Variants in TAOK3 observed in about 807,000 individuals in gnomAD.
The protein encoded by TAOK3 is TAO kinase 3.
Under a neutral mutation model 120.4 loss-of-function variants are expected in TAOK3, and 40 were observed. That is an observed-to-expected ratio of 0.33 (90% CI 0.26 to 0.43). TAOK3 has a LOEUF of 0.43. Ranked by LOEUF, TAOK3 falls within the 20% of genes least tolerant of loss-of-function variation. The pLI is 1.00. For synonymous variants in TAOK3, 355 were observed against 387.5 expected (o/e 0.92, Z 0.99); for missense variants, 821 against 1,112.1 (o/e 0.74, Z 3.72).
chr12:118,305,150 G>A (rs2043005321), intron 1 of TAOK3, among the ~76,000 whole-genome samples: 1 of 152,142 alleles, frequency 6.6e-6, no homozygotes, highest in Admixed American at 6.6e-5. Flanking sequence ...TGTATGTAAT[G>A]TGTTAAACAA....
chr12:118,285,301 C>T (rs1386966622), intron 1 of TAOK3, among the ~76,000 whole-genome samples: 1 of 152,092 alleles, frequency 6.6e-6, no homozygotes, highest in Non-Finnish European at 1.5e-5. Flanking sequence ...CATCAGCCTC[C>T]CAAAATGCTG....
chr12:118,350,205 C>G (rs899205543), intron 1 of TAOK3, among the ~76,000 whole-genome samples: 8 of 152,170 alleles, frequency 5.3e-5, no homozygotes, highest in Non-Finnish European at 2.9e-5. Flanking sequence ...CCACGTAGCA[C>G]TTATCCTGTA....
rs189545200 is a variant in TAOK3 at position 118,355,835 on chromosome 12, A to T, written c.-194+16813T>A. On this transcript the variant is annotated intron_variant, in intron 1 of 20. Coordinates refer to ENST00000392533, the MANE Select transcript of TAOK3 (RefSeq NM_016281.4). ...CATTATTTCATTTAATCCTCACAAC[A>T]ATCCTGTGAAGTAGGTATTATAATT... Among the ~76,000 whole-genome samples the T allele has an allele frequency of 4.6e-5, 7 of 152,350 alleles. No individual in the cohort carries two copies. The East Asian group carries it at 1.2e-3, about 25-fold the overall frequency.
chr12:118,358,699 C>T lies in TAOK3; in HGVS notation c.-194+13949G>A, dbSNP rs114488614. On this transcript the variant is annotated intron_variant, in intron 1 of 20. Transcript: ENST00000392533. ...AAATTAAATTTTTTTGAAAAATTGC[C>T]ACTTTTATTTGTGGAATATCAAACT... Among the ~76,000 whole-genome samples the T allele has an allele frequency of 6.1e-3, 925 of 152,142 alleles. 9 individuals carry two copies. The highest frequency in any genetic ancestry group is 0.021 in the African/African-American group (886 of 41,506).
intron 15 of TAOK3, among the ~76,000 whole-genome samples, chr12:118,180,101 C>T (rs1484692798): frequency 6.6e-6 from 1 of 151,280 alleles, no homozygotes; most frequent in East Asian, 1.9e-4. Flanking sequence ...GCATCTGCCA[C>T]CACGCCCAGC....
At chr12:118,350,352 CCT>C (rs1200471703) in intron 1 of TAOK3, among the ~76,000 whole-genome samples, 2 of 151,740 alleles carry the variant, frequency 1.3e-5, no homozygotes, top group Non-Finnish European at 2.9e-5. Context: ...AACCACCTAA[CCT>C]CTCTGAACAT....
At chr12:118,295,670 A>T (rs1376609995) in intron 1 of TAOK3, among the ~76,000 whole-genome samples, 1 of 152,174 alleles carries the variant, frequency 6.6e-6, no homozygotes, top group East Asian at 1.9e-4. Flanking sequence ...TACTCTATGA[A>T]TTTGTTTCAA....
At chr12:118,208,530 A>G (rs1307225758) in intron 11 of TAOK3, among the ~76,000 whole-genome samples, 1 of 152,200 alleles carries the variant, frequency 6.6e-6, no homozygotes, top group Non-Finnish European at 1.5e-5. Context: ...ATAGCAATTA[A>G]AACTATAGTG....
chr12:118,181,395 C>T lies in TAOK3; in HGVS notation c.1542G>A (p.Lys514=). The change falls in exon 15 of 21, where the codon AAG becomes AAA. Residue 514 remains lysine (K), a synonymous_variant. Coordinates refer to ENST00000392533, the MANE Select transcript of TAOK3 (RefSeq NM_016281.4). ...CCTCCTTTTCTATGATAGCCACTTG[C>T]TTCTTGGCCAGCTTCTCCAGCTCGA... ...SSIELEKLAK[K]QVAIIEKEAK... The T allele has an allele frequency of 2.5e-6, 4 of 1,614,034 alleles. No individual in the cohort carries two copies. The highest frequency in any genetic ancestry group is 3.4e-6 in the Non-Finnish European group (4 of 1,179,936).
intron 19 of TAOK3, among the ~76,000 whole-genome samples, chr12:118,158,642 T>C (rs1345522349): frequency 1.3e-5 from 2 of 152,232 alleles, no homozygotes; most frequent in Non-Finnish European, 2.9e-5. Context: ...ATCACCTTTT[T>C]CCTGAACTAT....
At chr12:118,226,710 T>A (rs1035702953) in intron 9 of TAOK3, among the ~76,000 whole-genome samples, 1 of 152,190 alleles carries the variant, frequency 6.6e-6, no homozygotes, top group African/African-American at 2.4e-5. Flanking sequence ...TTAGACAATT[T>A]GGGAGAAGGC....
intron 4 of TAOK3, 52 bp downstream of exon 4, chr12:118,244,842 T>C: frequency 1.4e-6 from 2 of 1,429,710 alleles, no homozygotes; most frequent in Non-Finnish European, 2.0e-6. Flanking sequence ...TTTTGTTAAT[T>C]TCATACTAAC....
intron 1 of TAOK3, among the ~76,000 whole-genome samples, chr12:118,283,070 T>C (rs2042150667): frequency 6.6e-6 from 1 of 152,234 alleles, no homozygotes; most frequent in South Asian, 2.1e-4. Flanking sequence ...TAATTCCCTG[T>C]AGCCTGAGTA....
intron 9 of TAOK3, among the ~76,000 whole-genome samples, chr12:118,232,792 G>C (rs957639264): frequency 2.6e-5 from 4 of 151,966 alleles, no homozygotes; most frequent in African/African-American, 9.7e-5. Context: ...ATAATCCCAG[G>C]CACTCAGGAG....
chr12:118,331,078 T>G (rs2044128845), intron 1 of TAOK3, among the ~76,000 whole-genome samples: 1 of 152,218 alleles, frequency 6.6e-6, no homozygotes, highest in South Asian at 2.1e-4. Flanking sequence ...GAACAACATA[T>G]ACTACATATG....
At chr12:118,183,042 A>G (rs2036862919) in intron 14 of TAOK3, among the ~76,000 whole-genome samples, 1 of 151,952 alleles carries the variant, frequency 6.6e-6, no homozygotes, top group Non-Finnish European at 1.5e-5. Flanking sequence ...CTATTTTAGA[A>G]AAAAAATCTT....
chr12:118,163,434 A>T (rs2035351010), intron 17 of TAOK3, among the ~76,000 whole-genome samples: 1 of 113,294 alleles, frequency 8.8e-6, no homozygotes, highest in African/African-American at 3.2e-5. Context: ...TAATACAGGG[A>T]CATACTTTTT....
chr12:118,182,624 T>TATATATATATATATATATATA (rs371618546), intron 14 of TAOK3, among the ~76,000 whole-genome samples: 4 of 59,314 alleles, frequency 6.7e-5, no homozygotes, highest in South Asian at 4.8e-4. Flanking sequence ...TATATATATA[T>TATATATATATATATATATATA]TTTTTTTTTT....
At chr12:118,323,823 A>T (rs1222566744) in intron 1 of TAOK3, among the ~76,000 whole-genome samples, 1 of 152,164 alleles carries the variant, frequency 6.6e-6, no homozygotes, top group Non-Finnish European at 1.5e-5. Context: ...GAACACAGGG[A>T]TCTTGTAGGG....
Sources: allele counts gnomAD v4.1 joint callset (sites outside exome capture counted in the v4.1 genomes callset), GRCh38; gene constraint gnomAD v4.1.1; transcripts MANE v1.5; gene names NCBI Gene and HGNC (gene_info 2026-07-23, HGNC 2026-07-21).